UPRT: variants seen among roughly 807,000 people sequenced by gnomAD.
UPRT encodes the protein RP11-311P8.3.
A neutral mutation model predicts 22.6 loss-of-function variants in UPRT; 5 were observed. The ratio of observed to expected loss-of-function variants is 0.22; its 90% CI spans 0.12 to 0.47. The LOEUF (loss-of-function observed/expected upper bound fraction) is 0.47. UPRT is among the 20% of genes least tolerant of loss of function. The probability of loss-of-function intolerance (pLI) is 0.99; values close to 1 mark genes in which losing one functional copy is unlikely to be tolerated. For missense variants in UPRT, 181 were observed against 239.9 expected (o/e 0.75, Z 1.62); for synonymous variants, 77 against 87.7 (o/e 0.88, Z 0.68).
chrX:75,274,015 A>C (rs989228741), upstream of UPRT: 60 of 378,859 alleles, frequency 1.6e-4, no homozygotes, highest in Non-Finnish European at 3.1e-5. Context: ...GTGGCGCCGC[A>C]GAGTGGCGGG....
intron 4 of UPRT, among the ~76,000 whole-genome samples, chrX:75,177,317 G>A (rs1395391844): frequency 9.0e-6 from 1 of 111,640 alleles, no homozygotes; most frequent in African/African-American, 3.3e-5. Context: ...CGACGCAGCA[G>A]CAGAAACGCT....
At chrX:75,192,064 T>G (rs1004738490) in intron 4 of UPRT, among the ~76,000 whole-genome samples, 1 of 111,846 alleles carries the variant, frequency 8.9e-6, no homozygotes, top group African/African-American at 3.3e-5. Context: ...TGCTAGGAGC[T>G]GTAGACTGGG....
intron 4 of UPRT, among the ~76,000 whole-genome samples, chrX:75,192,430 T>C (rs974638994): frequency 3.6e-5 from 4 of 111,529 alleles, no homozygotes; most frequent in African/African-American, 1.3e-4. Context: ...GAAGAATGTA[T>C]ATTCCGTTGT....
At chrX:75,182,481 T>A (rs2886843) in intron 4 of UPRT, among the ~76,000 whole-genome samples, 1 of 110,080 alleles carries the variant, frequency 9.1e-6, no homozygotes, top group South Asian at 3.9e-4. Context: ...GAATTCTACT[T>A]GTCTTAGGCT....
At chrX:75,211,803 GT>G (rs974920631) in intron 4 of UPRT, among the ~76,000 whole-genome samples, 2 of 111,628 alleles carry the variant, frequency 1.8e-5, no homozygotes, top group African/African-American at 3.3e-5. Context: ...GAAGTTGAGA[GT>G]TAAAGAAAGA....
chrX:75,191,499 G>C (rs983453057), intron 4 of UPRT, among the ~76,000 whole-genome samples: 2 of 92,482 alleles, frequency 2.2e-5, no homozygotes, highest in Non-Finnish European at 4.4e-5. Flanking sequence ...CTGTCAGACA[G>C]GAACATTTAA....
At chrX:75,193,084 G>A (rs1264768754) in intron 4 of UPRT, among the ~76,000 whole-genome samples, 2 of 112,181 alleles carry the variant, frequency 1.8e-5, no homozygotes, top group Non-Finnish European at 3.8e-5. Context: ...ACTTAAGTAT[G>A]TTTTTGTAGT....
intron 4 of UPRT, among the ~76,000 whole-genome samples, chrX:75,222,356 C>T (rs1350820298): frequency 9.0e-6 from 1 of 111,534 alleles, no homozygotes; most frequent in Non-Finnish European, 1.9e-5. Flanking sequence ...CCTATGTATG[C>T]TCAAGGCTCT....
In UPRT at chrX:75,175,429, G is replaced by A. The variant is rs368562700; in HGVS notation, c.-447+7550G>A. On this transcript the variant is annotated intron_variant, in intron 4 of 13. Transcript: ENST00000652605. ...ATTACAGGCTGTCCTAGGATTCCTC[G>A]GATGGTAACGGATCTTGAGGACAGT... Among the ~76,000 whole-genome samples the A allele has an allele frequency of 1.3e-4, 15 of 112,200 alleles. No individual in the cohort carries two copies. In the East Asian group the frequency reaches 2.0e-3, roughly 15 times the overall value.
At chrX:75,242,077 T>C (rs1294494731) in intron 4 of UPRT, among the ~76,000 whole-genome samples, 1 of 110,376 alleles carries the variant, frequency 9.1e-6, no homozygotes, top group Non-Finnish European at 1.9e-5. Context: ...GAAATAATAA[T>C]AATAAAAAGC....
chrX:75,244,214 C>G (rs769764355), intron 4 of UPRT, among the ~76,000 whole-genome samples: 1 of 111,536 alleles, frequency 9.0e-6, no homozygotes, highest in Non-Finnish European at 1.9e-5. Context: ...CAGACCAAGG[C>G]TCAAATCCCA....
chrX:75,302,018 T>A (rs2082746011), intron 6 of UPRT, among the ~76,000 whole-genome samples: 1 of 111,947 alleles, frequency 8.9e-6, no homozygotes, highest in African/African-American at 3.2e-5. Context: ...TGAATTTGTA[T>A]TTGCTTCATA....
chrX:75,236,316 A>G (rs1349470152), intron 4 of UPRT, among the ~76,000 whole-genome samples: 1 of 111,896 alleles, frequency 8.9e-6, no homozygotes, highest in East Asian at 2.8e-4. Context: ...AACAAATGGA[A>G]GAACATTCCA....
At chrX:75,280,865 A>G (rs971115887) in intron 1 of UPRT, among the ~76,000 whole-genome samples, 2 of 111,623 alleles carry the variant, frequency 1.8e-5, no homozygotes, top group South Asian at 3.8e-4. Flanking sequence ...TTTTGGCAGT[A>G]TGATCATTTT....
intron 4 of UPRT, among the ~76,000 whole-genome samples, chrX:75,265,171 T>C (rs1377715852): frequency 2.7e-5 from 3 of 111,161 alleles, no homozygotes; most frequent in South Asian, 7.6e-4. Flanking sequence ...GAGTTGCTCT[T>C]CTCGAGGAGT....
rs189980859 is a variant in UPRT at position 75,225,244 on chromosome X, A to G, written c.-447+57365A>G. ...CAATTTGGAAGGCTGATGTAGAAGG[A>G]TTGCTCGAGGCCAGGAGTTTGAGAC... On this transcript the variant is annotated intron_variant, in intron 4 of 13. Transcript: ENST00000652605. 4.0e-3 allele frequency among the ~76,000 whole-genome samples: 435 copies of G among 109,075 alleles called. 3 individuals are homozygous for G. Among genetic ancestry groups the G allele is most frequent in the African/African-American group, 0.013 (391 of 29,938 alleles). The allele number at this position is 109,075 out of a possible 115,157, so 94.7% of individuals were successfully genotyped here. A position where few individuals can be genotyped will look rare whatever the true frequency, so the allele number is the denominator to read the frequency against.
At chrX:75,259,667 A>G (rs1445875433) in intron 4 of UPRT, among the ~76,000 whole-genome samples, 2 of 111,145 alleles carry the variant, frequency 1.8e-5, no homozygotes, top group South Asian at 3.8e-4. Flanking sequence ...GAGAATGGAA[A>G]CAAGTTGGAA....
intron 4 of UPRT, among the ~76,000 whole-genome samples, chrX:75,255,212 C>A (rs1407832100): frequency 9.0e-6 from 1 of 111,274 alleles, no homozygotes; most frequent in African/African-American, 3.3e-5. Flanking sequence ...CCTCCTCAAA[C>A]AAAAAAATTA....
At chrX:75,288,982 C>T (rs1464110056) in intron 1 of UPRT, among the ~76,000 whole-genome samples, 6 of 111,539 alleles carry the variant, frequency 5.4e-5, no homozygotes, top group Non-Finnish European at 1.1e-4. Context: ...TAAATGACTT[C>T]AGTAGTGTTT....
Sources: allele counts gnomAD v4.1 joint callset (sites outside exome capture counted in the v4.1 genomes callset), GRCh38; gene constraint gnomAD v4.1.1; transcripts MANE v1.5; gene names NCBI Gene and HGNC (gene_info 2026-07-23, HGNC 2026-07-21).